Variants in TLR6 observed in about 807,000 individuals in gnomAD.
TLR6 encodes the protein toll-like receptor 6.
In TLR6, 9 loss-of-function variants were observed where a neutral mutation model predicts 16.1. That is an observed-to-expected ratio of 0.56 (90% confidence interval 0.34 to 0.98). TLR6 has a LOEUF of 0.98. Ranked by LOEUF, TLR6 falls within the 50% of genes least tolerant of loss-of-function variation. The pLI is 0.02. For synonymous variants in TLR6, 340 were observed against 338.6 expected (o/e 1.00, Z -0.04); for missense variants, 786 against 921.0 (o/e 0.85, Z 1.90).
intron 1 of TLR6, among the ~76,000 whole-genome samples, chr4:38,840,354 A>G (rs55682300): frequency 0.089 from 13,532 of 152,158 alleles, 1,795 homozygotes; most frequent in African/African-American, 0.29. Flanking sequence ...AAGACACAGG[A>G]CTGGCGTGGT....
chr4:38,856,479 A>T (rs768373025), intron 1 of TLR6, among the ~76,000 whole-genome samples: 3 of 152,244 alleles, frequency 2.0e-5, no homozygotes, highest in Non-Finnish European at 4.4e-5. Context: ...TCGCTGGGCC[A>T]AATCAGAAGA....
exon 2 of TLR6, chr4:38,828,578 T>C: frequency 1.9e-6 from 3 of 1,613,908 alleles, no homozygotes; most frequent in Non-Finnish European, 2.5e-6. Flanking sequence ...CGTTTTAGAA[T>C]AAGTAAAATC....
intron 1 of TLR6, among the ~76,000 whole-genome samples, chr4:38,833,880 G>C (rs930939844): frequency 6.6e-6 from 1 of 151,826 alleles, no homozygotes; most frequent in Non-Finnish European, 1.5e-5. Context: ...AGAAATTTTG[G>C]AACTACAGAG....
At chr4:38,841,037 A>G (rs1055799700) in intron 1 of TLR6, among the ~76,000 whole-genome samples, 31 of 151,276 alleles carry the variant, frequency 2.0e-4, no homozygotes, top group African/African-American at 7.5e-4. Flanking sequence ...TTTTCTTCTT[A>G]ATTTTTTTTG....
chr4:38,839,080 GAGGA>G (rs1229750825), intron 1 of TLR6, among the ~76,000 whole-genome samples: 15 of 117,542 alleles, frequency 1.3e-4, no homozygotes, highest in South Asian at 3.3e-4. Context: ...AAGAGAGAAA[GAGGA>G]AGGAAGGAAG....
chr4:38,859,413 G>A (rs1374255870), upstream of TLR6, among the ~76,000 whole-genome samples: 2 of 152,168 alleles, frequency 1.3e-5, no homozygotes, highest in African/African-American at 4.8e-5. Flanking sequence ...AAGCCACACA[G>A]TCTGTGGTGA....
At chr4:38,844,279 C>T (rs1712418949) in intron 1 of TLR6, among the ~76,000 whole-genome samples, 1 of 152,136 alleles carries the variant, frequency 6.6e-6, no homozygotes, top group African/African-American at 2.4e-5. Flanking sequence ...ACAATATATA[C>T]AAAGTATATA....
In TLR6 at chr4:38,848,337, A is replaced by G. The variant is rs185526650; in HGVS notation, c.-65+8424T>C. On this transcript the variant is annotated intron_variant, in intron 1 of 1. Coordinates refer to ENST00000436693, the Ensembl canonical transcript of TLR6. Reference sequence around the variant, plus strand: ...ATAAAACCACAAAGATGGGGAAAAAACAGAGCAGAAAAGCTGAAAATTCTA... The same window carrying G: ...ATAAAACCACAAAGATGGGGAAAAAGCAGAGCAGAAAAGCTGAAAATTCTA... Among the ~76,000 whole-genome samples, 297 of 152,326 alleles carry G rather than the reference A, an allele frequency of 1.9e-3. 1 individual carries two copies. The highest frequency in any genetic ancestry group is 6.9e-3 in the African/African-American group (288 of 41,558).
the TLR6 span, among the ~76,000 whole-genome samples, chr4:38,867,430 G>T: frequency 6.6e-6 from 1 of 152,246 alleles, no homozygotes; most frequent in African/African-American, 2.4e-5. Flanking sequence ...GGGCAAGGGA[G>T]TGCTGCTTAA....
At chr4:38,840,015 C>T (rs534593757) in intron 1 of TLR6, among the ~76,000 whole-genome samples, 1 of 152,208 alleles carries the variant, frequency 6.6e-6, no homozygotes, top group Non-Finnish European at 1.5e-5. Context: ...TAATGTCCAA[C>T]TGAATCCTCA....
chr4:38,858,756 A>AGG (rs1389443640), upstream of TLR6, among the ~76,000 whole-genome samples: 3 of 69,986 alleles, frequency 4.3e-5, no homozygotes, highest in African/African-American at 1.9e-4. Context: ...AGAGAGAGAG[A>AGG]GGGAGAGAGA....
chr4:38,858,829 G>GAA (rs1713113545), upstream of TLR6, among the ~76,000 whole-genome samples: 2 of 71,744 alleles, frequency 2.8e-5, no homozygotes, highest in East Asian at 3.6e-4. Context: ...GAGAGAGAGA[G>GAA]AGGAAGAAAG....
chr4:38,863,953 T>C, the TLR6 span, among the ~76,000 whole-genome samples: 12 of 152,288 alleles, frequency 7.9e-5, no homozygotes, highest in South Asian at 2.5e-3. Context: ...CTCTATGGCC[T>C]CATTTTCTTC....
rs376729946 is a variant in TLR6 at position 38,828,732 on chromosome 4, C to T, written c.742G>A (p.Gly248Ser). ...AGGGTAAAATTCAGTAAGGTTGAAC[C>T]TCTGGTGAGTTCTGATAAAAATTTA... The change falls in exon 2 of 2, where the codon GGT becomes AGT. Residue 248 changes from glycine to serine, a missense_variant. Coordinates refer to ENST00000436693, the Ensembl canonical transcript of TLR6. The T allele has an allele frequency of 1.7e-5, 28 of 1,613,918 alleles. No homozygotes were observed. The African/African-American group carries it at 2.5e-4, about 15-fold the overall frequency.
chr4:38,826,898 C>T (rs2109402788), exon 2 of TLR6: 1 of 535,826 alleles, frequency 1.9e-6, no homozygotes, highest in Non-Finnish European at 3.2e-6. Context: ...AGAGACTGGG[C>T]TGTCTCTAAC....
chr4:38,829,673 C>G (rs1262203055), intron 1 of TLR6, 136 bp from the exon 2 acceptor site: 2 of 519,142 alleles, frequency 3.9e-6, no homozygotes, highest in Admixed American at 7.0e-5. Context: ...TAATGTAATA[C>G]TTTTTATAAC....
chr4:38,837,367 A>G (rs1047373844), intron 1 of TLR6, among the ~76,000 whole-genome samples: 1 of 152,248 alleles, frequency 6.6e-6, no homozygotes, highest in Non-Finnish European at 1.5e-5. Flanking sequence ...TGGTATTGGT[A>G]CAAAAACAGA....
At chr4:38,865,124 A>T in the TLR6 span, among the ~76,000 whole-genome samples, 1 of 152,176 alleles carries the variant, frequency 6.6e-6, no homozygotes, top group Non-Finnish European at 1.5e-5. Flanking sequence ...TATCCGTAAC[A>T]TTTTTTTCTT....
intron 1 of TLR6, among the ~76,000 whole-genome samples, chr4:38,839,355 C>T (rs1161900618): frequency 2.0e-5 from 3 of 151,784 alleles, no homozygotes; most frequent in Admixed American, 6.6e-5. Context: ...ATTGGACTTA[C>T]TAGGCAAAGG....
Sources: gnomAD v4.1 joint callset for allele counts (sites outside exome capture counted in the v4.1 genomes callset) on GRCh38, gnomAD v4.1.1 for gene constraint, MANE v1.5 for transcripts, NCBI Gene and HGNC (gene_info 2026-07-23, HGNC 2026-07-21) for gene names.